Variants in GPC5 observed in about 807,000 individuals in gnomAD.
The protein encoded by GPC5 is glypican 5.
A neutral mutation model predicts 53.9 loss-of-function variants in GPC5; 47 were observed. The observed-to-expected ratio is 0.87, with a 90% CI of 0.69 to 1.11. The LOEUF (loss-of-function observed/expected upper bound fraction) is 1.11, where lower values mean the gene tolerates loss of function less well. Ranked by LOEUF, GPC5 falls within the 50% of genes most tolerant of loss-of-function variation. The pLI is 0.00. For missense variants in GPC5, 748 were observed against 713.1 expected (o/e 1.05, Z -0.56); for synonymous variants, 286 against 263.3 (o/e 1.09, Z -0.84).
intron 2 of GPC5, among the ~76,000 whole-genome samples, chr13:91,530,227 G>T (rs1288322123): frequency 6.6e-6 from 1 of 152,184 alleles, no homozygotes; most frequent in Non-Finnish European, 1.5e-5. Flanking sequence ...CAGTGATTCT[G>T]TTATGCAGTC....
chr13:92,346,857 T>TA (rs1394242586), intron 7 of GPC5, among the ~76,000 whole-genome samples: 2 of 151,940 alleles, frequency 1.3e-5, no homozygotes, highest in Non-Finnish European at 2.9e-5. Flanking sequence ...GAAACAATTT[T>TA]AAAAAATAGA....
chr13:91,479,511 A>G (rs1883190254), intron 2 of GPC5, among the ~76,000 whole-genome samples: 1 of 152,196 alleles, frequency 6.6e-6, no homozygotes, highest in Non-Finnish European at 1.5e-5. Flanking sequence ...GGATCTGGTA[A>G]CAAATACTAG....
intron 7 of GPC5, among the ~76,000 whole-genome samples, chr13:92,656,476 C>T (rs777500199): frequency 3.7e-4 from 56 of 151,972 alleles, no homozygotes; most frequent in Non-Finnish European, 6.3e-4. Context: ...GGCAGGACAC[C>T]CAAGATGAAG....
intron 7 of GPC5, among the ~76,000 whole-genome samples, chr13:92,552,422 CA>C (rs1228036446): frequency 1.3e-5 from 2 of 151,698 alleles, no homozygotes; most frequent in African/African-American, 4.8e-5. Context: ...TAAGAAGAGT[CA>C]ATTTTATATT....
chr13:92,708,456 A>G (rs2139264609), intron 7 of GPC5, among the ~76,000 whole-genome samples: 1 of 152,290 alleles, frequency 6.6e-6, no homozygotes, highest in African/African-American at 2.4e-5. Flanking sequence ...TATGATAGTA[A>G]TCTTTGGCAA....
chr13:91,942,387 A>G (rs139586297), intron 6 of GPC5, among the ~76,000 whole-genome samples: 4 of 152,184 alleles, frequency 2.6e-5, no homozygotes, highest in African/African-American at 9.6e-5. Context: ...AGTCTCTAAC[A>G]ATAGAACAAT....
intron 7 of GPC5, among the ~76,000 whole-genome samples, chr13:92,765,635 G>T (rs1168277380): frequency 2.6e-5 from 4 of 152,110 alleles, no homozygotes; most frequent in Non-Finnish European, 5.9e-5. Context: ...CATCGCCTGG[G>T]ACCTTGTTAG....
intron 6 of GPC5, among the ~76,000 whole-genome samples, chr13:91,923,574 C>T (rs934512036): frequency 6.6e-6 from 1 of 151,966 alleles, no homozygotes; most frequent in African/African-American, 2.4e-5. Context: ...ATATGATACA[C>T]CTTATGAATG....
intron 2 of GPC5, among the ~76,000 whole-genome samples, chr13:91,643,245 TA>T (rs74310244): frequency 0.049 from 7,374 of 151,962 alleles, 353 homozygotes; most frequent in South Asian, 0.23. Flanking sequence ...TAGATTGGTA[TA>T]AAAAAAACTG....
chr13:91,613,857 T>C (rs1437804008), intron 2 of GPC5, among the ~76,000 whole-genome samples: 1 of 152,002 alleles, frequency 6.6e-6, no homozygotes, highest in Non-Finnish European at 1.5e-5. Context: ...AGAGAGTGTG[T>C]TGAGAGAGAA....
At chr13:92,684,390 C>A (rs1463543938) in intron 7 of GPC5, among the ~76,000 whole-genome samples, 3 of 152,092 alleles carry the variant, frequency 2.0e-5, no homozygotes, top group African/African-American at 7.2e-5. Flanking sequence ...CCTGTCTCAG[C>A]CTCCTGAGCA....
At chr13:92,629,799 C>CA (rs935452105) in intron 7 of GPC5, among the ~76,000 whole-genome samples, 10 of 150,174 alleles carry the variant, frequency 6.7e-5, no homozygotes, top group East Asian at 3.9e-4. Context: ...GTCATGAGTA[C>CA]AAAAAAAAAT....
chr13:92,770,414 CAAAAAAA>C (rs34087505), intron 7 of GPC5, among the ~76,000 whole-genome samples: 5 of 76,892 alleles, frequency 6.5e-5, no homozygotes, highest in African/African-American at 3.0e-4. Context: ...GACCCTGTCT[CAAAAAAA>C]AAAAAAAAAA....
chr13:91,509,506 T>C (rs1885124468), intron 2 of GPC5, among the ~76,000 whole-genome samples: 1 of 151,498 alleles, frequency 6.6e-6, no homozygotes, highest in South Asian at 2.1e-4. Context: ...ATAATAGATA[T>C]TCATGAAAAG....
rs957885714 is a variant in GPC5 at position 91,729,803 on chromosome 13, G to A, written c.1154+1138G>A. 3.2e-4 allele frequency among the ~76,000 whole-genome samples: 48 copies of A among 152,220 alleles called. 1 individual carries two copies. The highest frequency in any genetic ancestry group is 1.1e-3 in the African/African-American group (44 of 41,532). On this transcript the variant is annotated intron_variant, in intron 4 of 7. Transcript: ENST00000377067. ...AAAACCCATCTACAGAAGATCTGAAGTCCTTCGAGGTGTTGTATTTCACCA... is the reference window on the plus strand; with the variant it reads ...AAAACCCATCTACAGAAGATCTGAAATCCTTCGAGGTGTTGTATTTCACCA...
At chr13:92,663,903 T>TATATACAC (rs1886478093) in intron 7 of GPC5, among the ~76,000 whole-genome samples, 2 of 83,180 alleles carry the variant, frequency 2.4e-5, no homozygotes, top group African/African-American at 1.0e-4. Flanking sequence ...TATATATATA[T>TATATACAC]ACACACACAC....
At chr13:92,853,087 T>C (rs964337403) in intron 7 of GPC5, among the ~76,000 whole-genome samples, 20 of 152,116 alleles carry the variant, frequency 1.3e-4, no homozygotes, top group Non-Finnish European at 2.5e-4. Flanking sequence ...GGTCACCACT[T>C]ATGTTAAGTG....
In GPC5 at chr13:92,481,748, A is replaced by G. The variant is rs377086911; in HGVS notation, c.1561+336759A>G. Among the ~76,000 whole-genome samples the G allele has an allele frequency of 1.9e-4, 29 of 152,228 alleles. 1 individual carries two copies. The South Asian group carries it at 6.0e-3, about 32-fold the overall frequency. ...ACTGAACTCTCATTAGCTGGAAAAA[A>G]AAATCAAATTCTATTGGGAGAGAAG... is the stretch of plus-strand genomic sequence containing the variant. On this transcript the variant is annotated intron_variant, in intron 7 of 7. Coordinates refer to ENST00000377067, the MANE Select transcript of GPC5 (RefSeq NM_004466.6).
chr13:92,169,877 G>A lies in GPC5; in HGVS notation c.1561+24888G>A, dbSNP rs955259849. Among the ~76,000 whole-genome samples, 3 of 152,190 alleles carry A rather than the reference G, an allele frequency of 2.0e-5. No individual in the cohort carries two copies. The South Asian group carries it at 6.2e-4, about 32-fold the overall frequency. On this transcript the variant is annotated intron_variant, in intron 7 of 7. Coordinates refer to ENST00000377067, the MANE Select transcript of GPC5 (RefSeq NM_004466.6). ...TTAGGCTGTGAACATTTGGAACTAT[G>A]TTACTTGGTGTGTGTTGTTCAGCAT...
Sources: gnomAD v4.1 joint callset for allele counts (sites outside exome capture counted in the v4.1 genomes callset) on GRCh38, gnomAD v4.1.1 for gene constraint, MANE v1.5 for transcripts, NCBI Gene and HGNC (gene_info 2026-07-23, HGNC 2026-07-21) for gene names.